ZNF76: variants seen among roughly 807,000 people sequenced by gnomAD.
The protein encoded by ZNF76 is zinc finger protein 76.
A neutral mutation model predicts 66.9 loss-of-function variants in ZNF76; 66 were observed. That is an observed-to-expected ratio of 0.99 (90% CI 0.81 to 1.21). The LOEUF (loss-of-function observed/expected upper bound fraction) is 1.21, where lower values mean the gene tolerates loss of function less well. Among genes scored for constraint, ZNF76 ranks in the 50% most tolerant of loss-of-function variants. The pLI, the probability that ZNF76 is intolerant of heterozygous loss-of-function variation, is 0.00. For missense variants in ZNF76, 729 were observed against 760.3 expected, an observed-to-expected ratio of 0.96 and a Z score of 0.48; for synonymous variants, 275 against 296.1, an observed-to-expected ratio of 0.93 and a Z score of 0.73.
intron 1 of ZNF76, among the ~76,000 whole-genome samples, chr6:35,280,613 A>G (rs1482427237): frequency 6.8e-6 from 1 of 146,284 alleles, no homozygotes. Context: ...GTTGGGACAC[A>G]TTGTGAGTTC....
At chr6:35,260,438 G>T (rs9296144) in intron 1 of ZNF76, among the ~76,000 whole-genome samples, 119,457 of 152,088 alleles carry the variant, frequency 0.79, 47,579 homozygotes, top group Non-Finnish European at 0.85. Context: ...TCCTGTAGCC[G>T]TATGACCCTC....
Position 35,287,302 on chromosome 6 carries a change from A to G in ZNF76, c.233-344A>G, listed in dbSNP as rs1562120385. Among the ~76,000 whole-genome samples, 1 of 152,180 alleles carries G rather than the reference A, an allele frequency of 6.6e-6. No homozygotes were observed. Among genetic ancestry groups the G allele is most frequent in the Non-Finnish European group, 1.5e-5 (1 of 68,024 alleles). ...TGACATGGTCACATTTGTGTCCCGC[A>G]AAGATCCCTCTGGATGTTGTGCTGC... On this transcript the variant is annotated intron_variant, in intron 4 of 13. Coordinates refer to ENST00000373953, the MANE Select transcript of ZNF76 (RefSeq NM_003427.5). This position sits in a 1 kb window ranked among gnomAD's most constrained non-coding sequence, Gnocchi z 4.0.
chr6:35,286,520 A>G (rs758812331), intron 4 of ZNF76, 121 bp downstream of exon 4: 36 of 911,468 alleles, frequency 3.9e-5, no homozygotes, highest in Non-Finnish European at 5.8e-5. Flanking sequence ...TGTCATCTCC[A>G]TGGTACACAC....
chr6:35,261,452 G>A (rs1785243379), intron 1 of ZNF76, among the ~76,000 whole-genome samples: 1 of 151,946 alleles, frequency 6.6e-6, no homozygotes, highest in Admixed American at 6.6e-5. Context: ...TTAAATTTAC[G>A]TCTCAACAGC....
Position 35,294,751 on chromosome 6 carries a change from A to C in ZNF76, c.1608+182A>C. ...TCTCAGGCTCGCTCTTGGCTGAGGC[A>C]GAATGTTGAAGCCTCTTCTGGCCTT... On this transcript the variant is annotated intron_variant, in intron 13 of 13. Coordinates refer to ENST00000373953, the MANE Select transcript of ZNF76 (RefSeq NM_003427.5). 13 of 654,046 alleles carry C rather than the reference A, an allele frequency of 2.0e-5. No individual in the cohort carries two copies. In the South Asian group the frequency reaches 2.2e-4, roughly 11 times the overall value. The allele number at this position is 654,046 out of a possible 1,614,324, so 40.5% of individuals were successfully genotyped here.
chr6:35,264,546 C>T (rs1200727700), intron 1 of ZNF76, among the ~76,000 whole-genome samples: 1 of 152,138 alleles, frequency 6.6e-6, no homozygotes, highest in Non-Finnish European at 1.5e-5. Flanking sequence ...GTTCATTATA[C>T]CATTCTTTCC....
intron 7 of ZNF76, 115 bp downstream of exon 7, chr6:35,290,831 G>C: frequency 2.0e-6 from 2 of 1,000,122 alleles, no homozygotes; most frequent in Non-Finnish European, 3.1e-6. Flanking sequence ...TACCGTCAGA[G>C]TACTCTGACT....
chr6:35,288,859 G>C (rs1285283500), intron 5 of ZNF76, among the ~76,000 whole-genome samples: 2 of 150,698 alleles, frequency 1.3e-5, no homozygotes, highest in Non-Finnish European at 2.9e-5. Flanking sequence ...CTACTGGGAA[G>C]CGGAGGTGGG....
intron 5 of ZNF76, among the ~76,000 whole-genome samples, chr6:35,289,651 G>A (rs1790090645): frequency 6.6e-6 from 1 of 152,128 alleles, no homozygotes; most frequent in East Asian, 1.9e-4. Context: ...AGACAAAAGG[G>A]GAGGACTTGT....
intron 5 of ZNF76, among the ~76,000 whole-genome samples, chr6:35,289,772 C>T (rs1196069134): frequency 2.0e-5 from 3 of 152,172 alleles, no homozygotes; most frequent in Non-Finnish European, 4.4e-5. Flanking sequence ...ATCAGATGAA[C>T]CTAGGTGAGC....
intron 1 of ZNF76, among the ~76,000 whole-genome samples, chr6:35,264,282 T>C (rs1193569425): frequency 6.6e-6 from 1 of 152,252 alleles, no homozygotes; most frequent in Admixed American, 6.5e-5. Flanking sequence ...ACTTCCTTTT[T>C]TAGTCATTGC....
Position 35,287,567 on chromosome 6 carries a change from C to G in ZNF76, c.233-79C>G. On this transcript the variant is annotated intron_variant, in intron 4 of 13. Coordinates refer to ENST00000373953, the MANE Select transcript of ZNF76 (RefSeq NM_003427.5). This position sits in a 1 kb window ranked among gnomAD's most constrained non-coding sequence, Gnocchi z 4.0. ...GAAACCCTCCTTGGTATATGTATCT[C>G]TCATTAACTTAAAGCTAGGGTCCCA... The G allele has an allele frequency of 7.4e-7, 1 of 1,357,470 alleles. No individual in the cohort carries two copies. The highest frequency in any genetic ancestry group is 1.0e-6 in the Non-Finnish European group (1 of 989,006). 84.1% of individuals were successfully genotyped at this position (1,357,470 alleles called of 1,614,324 possible).
intron 2 of ZNF76, among the ~76,000 whole-genome samples, chr6:35,283,068 G>A (rs994203586): frequency 6.6e-6 from 1 of 152,192 alleles, no homozygotes; most frequent in African/African-American, 2.4e-5. Context: ...GACCCAGTTA[G>A]TTCCCGTGCC....
intron 1 of ZNF76, among the ~76,000 whole-genome samples, chr6:35,264,229 G>A (rs1490432842): frequency 6.6e-6 from 1 of 152,216 alleles, no homozygotes; most frequent in Non-Finnish European, 1.5e-5. Context: ...CTCCAAACAT[G>A]ATAATGGGCA....
intron 5 of ZNF76, chr6:35,288,137 C>T (rs1228286669): frequency 1.5e-5 from 9 of 603,206 alleles, no homozygotes; most frequent in African/African-American, 1.5e-4. Flanking sequence ...GAAACAGTGG[C>T]ATCCTTATGC....
intron 5 of ZNF76, among the ~76,000 whole-genome samples, chr6:35,289,038 C>G (rs1053813876): frequency 6.6e-6 from 1 of 151,282 alleles, no homozygotes; most frequent in Non-Finnish European, 1.5e-5. Context: ...TCTTAGAGAC[C>G]AAATTTGAGA....
At chr6:35,266,659 G>A (rs931990306) in intron 1 of ZNF76, among the ~76,000 whole-genome samples, 1 of 152,164 alleles carries the variant, frequency 6.6e-6, no homozygotes, top group African/African-American at 2.4e-5. Context: ...CGGAGTATGG[G>A]AAGAACACTG....
At chr6:35,290,230 A>G in intron 5 of ZNF76, 36 bp from the exon 6 acceptor site, 1 of 1,611,956 alleles carries the variant, frequency 6.2e-7, no homozygotes, top group African/African-American at 1.3e-5. Context: ...TTCACTGGGG[A>G]GAATACATAT....
rs1327299961 is a variant in ZNF76 at position 35,261,550 on chromosome 6, A to T, written c.-97+1709A>T. On this transcript the variant is annotated intron_variant, in intron 1 of 13. Coordinates refer to ENST00000373953, the MANE Select transcript of ZNF76 (RefSeq NM_003427.5). ...GGTTGGTTTCAGAGAAATGAACCAG[A>T]AACTCTCACAGCTAAGTAGCAGAGC... Among the ~76,000 whole-genome samples the T allele has an allele frequency of 2.6e-5, 4 of 152,112 alleles. No individual in the cohort carries two copies. The East Asian group carries it at 5.8e-4, about 22-fold the overall frequency.
Sources: gnomAD v4.1 joint callset for allele counts (sites outside exome capture counted in the v4.1 genomes callset) on GRCh38, gnomAD v4.1.1 for gene constraint, Gnocchi (gnomAD v3.1) non-coding constraint, MANE v1.5 for transcripts, NCBI Gene and HGNC (gene_info 2026-07-23, HGNC 2026-07-21) for gene names.